Variants in ZNF236 observed in about 807,000 individuals in gnomAD.
The protein encoded by ZNF236 is zinc finger protein 236.
In ZNF236, 50 loss-of-function variants were observed where a neutral mutation model predicts 191.2. The observed-to-expected ratio is 0.26, with a 90% CI of 0.21 to 0.33. The LOEUF is 0.33. Ranked by LOEUF, ZNF236 falls within the 10% of genes least tolerant of loss-of-function variation. The pLI is 1.00. For missense variants in ZNF236, 1,754 were observed against 2,374.5 expected, an observed-to-expected ratio of 0.74 and a Z score of 5.43; for synonymous variants, 907 against 928.8, an observed-to-expected ratio of 0.98 and a Z score of 0.43.
At chr18:76,891,617 A>G (rs371112204) in intron 9 of ZNF236, among the ~76,000 whole-genome samples, 4 of 152,134 alleles carry the variant, frequency 2.6e-5, no homozygotes, top group Non-Finnish European at 4.4e-5. Context: ...GCCTGGAGCA[A>G]TCCTCCTGCC....
rs1968866986 is a variant in ZNF236, at chr18:76,969,446, A to G, written c.*1107A>G. The G allele has an allele frequency of 6.6e-6, 1 of 152,596 alleles. No homozygotes were observed. The highest frequency in any genetic ancestry group is 6.5e-5 in the Admixed American group (1 of 15,278). The allele number at this position is 152,596 out of a possible 1,614,324, so 9.5% of individuals were successfully genotyped here. A position where few individuals can be genotyped will look rare whatever the true frequency, so the allele number is the denominator to read the frequency against. Reference sequence around the variant, plus strand: ...GTTCTATATATAAATACATATGTACATAGATATATGGGCCTCTGTGTGGCT... The same window carrying G: ...GTTCTATATATAAATACATATGTACGTAGATATATGGGCCTCTGTGTGGCT... On this transcript the variant is annotated 3_prime_UTR_variant, in exon 31 of 31. Transcript: ENST00000320610.
At chr18:76,827,980 C>T (rs980131410) in intron 1 of ZNF236, among the ~76,000 whole-genome samples, 3 of 151,736 alleles carry the variant, frequency 2.0e-5, no homozygotes. Context: ...TTTCTTTTTC[C>T]TTTTGGAGGG....
rs1385095689 is a variant in ZNF236 at position 76,927,809 on chromosome 18, AAATCT to A, written c.4415-117_4415-113del. On this transcript the variant is annotated intron_variant, in intron 24 of 30. Coordinates refer to ENST00000320610, the MANE Select transcript of ZNF236 (RefSeq NM_001306089.2). The surrounding 1 kb of genome is among the most constrained non-coding windows in gnomAD (Gnocchi z 5.4). ...TTAGAGATGACTGATGCTTTGTTTT[AAATCT>A]TTGTCTTATTGAAATATGTAATAAC... 1 of 907,584 alleles carries A rather than the reference AAATCT, an allele frequency of 1.1e-6. No individual in the cohort carries two copies. The highest frequency in any genetic ancestry group is 1.7e-5 in the African/African-American group (1 of 59,112). 56.2% of individuals were successfully genotyped at this position (907,584 alleles called of 1,614,324 possible).
intron 21 of ZNF236, among the ~76,000 whole-genome samples, chr18:76,923,532 G>C (rs940713023): frequency 1.4e-4 from 21 of 152,198 alleles, no homozygotes; most frequent in Admixed American, 3.3e-4. Context: ...AAATCTGATG[G>C]CAGTTATCAT....
intron 26 of ZNF236, among the ~76,000 whole-genome samples, chr18:76,941,356 A>C (rs1022463651): frequency 2.6e-5 from 4 of 152,212 alleles, no homozygotes; most frequent in African/African-American, 9.6e-5. Flanking sequence ...GCTTTTGGAC[A>C]AAAGTCCTGT....
At chr18:76,841,420 C>T (rs1050200182) in intron 1 of ZNF236, among the ~76,000 whole-genome samples, 1 of 152,012 alleles carries the variant, frequency 6.6e-6, no homozygotes, top group African/African-American at 2.4e-5. Flanking sequence ...TATGAGCGAA[C>T]CGACACTATT....
chr18:76,865,641 C>G (rs1408281327), intron 3 of ZNF236, among the ~76,000 whole-genome samples: 1 of 152,118 alleles, frequency 6.6e-6, no homozygotes, highest in African/African-American at 2.4e-5. Flanking sequence ...GTGAAGCACC[C>G]AGCAGTTTGT....
At chr18:76,884,787 C>G (rs1483842629) in intron 9 of ZNF236, 4 of 152,156 alleles carry the variant, frequency 2.6e-5, no homozygotes, top group Non-Finnish European at 5.9e-5. Flanking sequence ...TGTAACAAAC[C>G]TCCCACGTTC....
chr18:76,914,428 C>G (rs1349069106), intron 18 of ZNF236, among the ~76,000 whole-genome samples: 1 of 152,182 alleles, frequency 6.6e-6, no homozygotes, highest in African/African-American at 2.4e-5. Flanking sequence ...ATTGCTCTAC[C>G]TAGGAGTGGA....
At chr18:76,939,022 GT>G (rs1968068128) in intron 26 of ZNF236, among the ~76,000 whole-genome samples, 1 of 152,126 alleles carries the variant, frequency 6.6e-6, no homozygotes, top group South Asian at 2.1e-4. Flanking sequence ...TTCGTATCAT[GT>G]TTTAAAATTG....
intron 1 of ZNF236, among the ~76,000 whole-genome samples, chr18:76,848,815 G>A (rs1975776671): frequency 6.6e-6 from 1 of 152,110 alleles, no homozygotes; most frequent in Non-Finnish European, 1.5e-5. Context: ...ACAAATACGT[G>A]CCGCCATGCC....
intron 26 of ZNF236, 132 bp from the exon 27 acceptor site, chr18:76,947,389 G>A: frequency 9.3e-7 from 1 of 1,078,366 alleles, no homozygotes; most frequent in Non-Finnish European, 1.3e-6. Flanking sequence ...GGGTTACATG[G>A]TGACTCCACG....
chr18:76,871,034 G>A (rs1205135000), intron 4 of ZNF236, among the ~76,000 whole-genome samples: 1 of 152,172 alleles, frequency 6.6e-6, no homozygotes, highest in East Asian at 1.9e-4. Context: ...AGGCCGCAAT[G>A]GTGGCTAGAG....
chr18:76,908,505 A>G lies in ZNF236; in HGVS notation c.2483A>G (p.His828Arg). The G allele has an allele frequency of 1.2e-6, 2 of 1,614,046 alleles. No homozygotes were observed. Among genetic ancestry groups the G allele is most frequent in the African/African-American group, 1.3e-5 (1 of 75,078 alleles). The change falls in exon 14 of 31, where the codon CAT becomes CGT. Residue 828 changes from histidine to arginine, a missense_variant. Around this residue, in one of 5 missense-constraint regions of ZNF236, gnomAD observed 641 missense variants for 869.6 expected, o/e 0.74. Coordinates refer to ENST00000320610, the MANE Select transcript of ZNF236 (RefSeq NM_001306089.2). Reference sequence around the variant, plus strand: ...GCCATGCTGGACCTGGAGCCTCAGCATGTGGTGGGCACGGAGGAAGCAGGG... The same window carrying G: ...GCCATGCTGGACCTGGAGCCTCAGCGTGTGGTGGGCACGGAGGAAGCAGGG... Reference protein sequence around the residue: ...PEAMLDLEPQHVVGTEEAGLG... With the variant: ...PEAMLDLEPQRVVGTEEAGLG...
At chr18:76,858,227 C>T (rs1472635825) in intron 3 of ZNF236, among the ~76,000 whole-genome samples, 2 of 152,132 alleles carry the variant, frequency 1.3e-5, no homozygotes, top group East Asian at 1.9e-4. Flanking sequence ...TAGTATGTAG[C>T]GATGGCATAT....
intron 27 of ZNF236, among the ~76,000 whole-genome samples, chr18:76,948,164 A>G (rs1968313447): frequency 6.6e-6 from 1 of 152,180 alleles, no homozygotes; most frequent in South Asian, 2.1e-4. Context: ...TTAGTAAGCA[A>G]TAGTCTAAAT....
chr18:76,937,629 A>C (rs1968036809), intron 26 of ZNF236, among the ~76,000 whole-genome samples: 1 of 152,220 alleles, frequency 6.6e-6, no homozygotes, highest in Non-Finnish European at 1.5e-5. Flanking sequence ...CTACACCTTT[A>C]TATGAATGTA....
rs1976091903 is a variant in ZNF236 at position 76,857,891 on chromosome 18, T to C, written c.363+5952T>C. Among the ~76,000 whole-genome samples, 5 of 152,380 alleles carry C rather than the reference T, an allele frequency of 3.3e-5. No individual in the cohort carries two copies. In the South Asian group the frequency reaches 1.0e-3, roughly 32 times the overall value. On this transcript the variant is annotated intron_variant, in intron 3 of 30. Transcript: ENST00000320610. ...AGGGGAGAACTGATCATGTTTATAATGTTGAATCTTTATGAGAACACGGAA... is the reference window on the plus strand; with the variant it reads ...AGGGGAGAACTGATCATGTTTATAACGTTGAATCTTTATGAGAACACGGAA...
intron 1 of ZNF236, among the ~76,000 whole-genome samples, chr18:76,844,106 G>A (rs2122476766): frequency 6.6e-6 from 1 of 152,140 alleles, no homozygotes; most frequent in African/African-American, 2.4e-5. Context: ...CAGGCATGGT[G>A]GCACATGCCT....
Sources: allele counts gnomAD v4.1 joint callset (sites outside exome capture counted in the v4.1 genomes callset), GRCh38; gene constraint gnomAD v4.1.1; regional missense constraint gnomAD v4.1.1; non-coding constraint Gnocchi (gnomAD v3.1); transcripts MANE v1.5; gene names NCBI Gene and HGNC (gene_info 2026-07-23, HGNC 2026-07-21).